DGKB: variants seen among roughly 807,000 people sequenced by gnomAD.
DGKB encodes diacylglycerol kinase beta.
Under a neutral mutation model 114.3 loss-of-function variants are expected in DGKB, and 67 were observed. That is an observed-to-expected ratio of 0.59 (90% confidence interval 0.48 to 0.72). DGKB has a LOEUF of 0.72. DGKB is among the 30% of genes least tolerant of loss of function. The pLI is 0.00. For missense variants in DGKB, 907 were observed against 975.2 expected, an observed-to-expected ratio of 0.93 and a Z score of 0.93; for synonymous variants, 398 against 323.1, an observed-to-expected ratio of 1.23 and a Z score of -2.49.
At position 14,788,338 on chromosome 7, in the gene DGKB, C is replaced by A. The variant is rs527330114; in HGVS notation, c.71-30607G>T. 2.0e-5 allele frequency among the ~76,000 whole-genome samples: 3 copies of A among 152,210 alleles called. No individual in the cohort carries two copies. In the East Asian group the frequency reaches 5.8e-4, roughly 29 times the overall value. On this transcript the variant is annotated intron_variant, in intron 2 of 25. Coordinates refer to ENST00000402815, the MANE Select transcript of DGKB (RefSeq NM_001350709.2). The stretch of plus-strand genomic sequence containing the variant: ...ACCACCACCTCAAAATCCACCAAAG[C>A]CTTGTCTATTAACTATGCCTTTTAT...
chr7:14,287,649 A>T (rs1318302105), intron 23 of DGKB, among the ~76,000 whole-genome samples: 5 of 152,166 alleles, frequency 3.3e-5, no homozygotes, highest in Non-Finnish European at 7.4e-5. Flanking sequence ...ATACACAGAC[A>T]ACTGATAGAC....
At chr7:14,492,401 T>C (rs74539494) in intron 20 of DGKB, among the ~76,000 whole-genome samples, 2,105 of 152,076 alleles carry the variant, frequency 0.014, 55 homozygotes, top group African/African-American at 0.048. Context: ...TAAAAGAACA[T>C]ATATAAGATA....
At chr7:14,747,771 A>ACGCGCG (rs1344297768) in intron 4 of DGKB, among the ~76,000 whole-genome samples, 2 of 92,120 alleles carry the variant, frequency 2.2e-5, no homozygotes, top group East Asian at 4.1e-4. Flanking sequence ...AAACACATCC[A>ACGCGCG]CGCGCACGCA....
intron 17 of DGKB, among the ~76,000 whole-genome samples, chr7:14,584,739 A>ACCT (rs1442120223): frequency 6.6e-6 from 1 of 151,330 alleles, no homozygotes; most frequent in Non-Finnish European, 1.5e-5. Flanking sequence ...ACTCACTGCA[A>ACCT]CCTCCTCCTC....
intron 1 of DGKB, among the ~76,000 whole-genome samples, chr7:14,952,642 G>A (rs1325939563): frequency 5.3e-5 from 8 of 151,978 alleles, no homozygotes; most frequent in African/African-American, 1.9e-4. Flanking sequence ...TCTAATGCCA[G>A]CTACTCAGGA....
chr7:14,659,944 G>A (rs887089147), intron 13 of DGKB, among the ~76,000 whole-genome samples: 1 of 151,606 alleles, frequency 6.6e-6, no homozygotes, highest in African/African-American at 2.4e-5. Flanking sequence ...TAGCATGAAG[G>A]GTTGTTGAAT....
chr7:14,170,147 AAGAAAGAAAGAAAG>A (rs1233678136), intron 25 of DGKB, among the ~76,000 whole-genome samples: 23 of 37,286 alleles, frequency 6.2e-4, no homozygotes, highest in African/African-American at 5.2e-3. Context: ...AAAAAAAAAA[AAGAAAGAAAGAAAG>A]AAAGAAAGAA....
chr7:14,410,510 T>C (rs1824688509), intron 21 of DGKB, among the ~76,000 whole-genome samples: 1 of 152,100 alleles, frequency 6.6e-6, no homozygotes, highest in South Asian at 2.1e-4. Flanking sequence ...CAAGCACATT[T>C]CTTTCAAGAA....
intron 1 of DGKB, among the ~76,000 whole-genome samples, chr7:14,914,709 G>A (rs1303474277): frequency 6.6e-6 from 1 of 151,952 alleles, no homozygotes; most frequent in Non-Finnish European, 1.5e-5. Flanking sequence ...TATTAAATAG[G>A]GAATTTAAAA....
intron 17 of DGKB, among the ~76,000 whole-genome samples, chr7:14,596,646 C>T (rs1563630215): frequency 2.0e-5 from 3 of 152,120 alleles, no homozygotes; most frequent in Admixed American, 1.3e-4. Flanking sequence ...CATGCTCATT[C>T]CAATGCTACT....
At position 14,398,288 on chromosome 7, in the gene DGKB, T is replaced by C. The variant is rs116280386; in HGVS notation, c.1836-52897A>G. Among the ~76,000 whole-genome samples the C allele has an allele frequency of 1.4e-3, 211 of 152,154 alleles. 2 individuals carry two copies. Among genetic ancestry groups the C allele is most frequent in the African/African-American group, 4.9e-3 (204 of 41,548 alleles). ...CCAATAAATAAATGGTCTTCTATGT[T>C]TCCTTGAGCTGAGGCCTTGAGACTG... On this transcript the variant is annotated intron_variant, in intron 21 of 25. Transcript: ENST00000402815.
intron 2 of DGKB, among the ~76,000 whole-genome samples, chr7:14,835,902 G>A (rs1487244769): frequency 6.6e-6 from 1 of 152,070 alleles, no homozygotes; most frequent in Non-Finnish European, 1.5e-5. Context: ...GCAATAATTT[G>A]TCTCCCTCTG....
intron 1 of DGKB, among the ~76,000 whole-genome samples, chr7:14,917,057 A>C (rs1024982532): frequency 6.6e-6 from 1 of 152,148 alleles, no homozygotes; most frequent in Admixed American, 6.5e-5. Flanking sequence ...ATGTCTCCAA[A>C]GAAATTTTAA....
chr7:14,808,582 G>C (rs1380598054), intron 2 of DGKB, among the ~76,000 whole-genome samples: 1 of 152,060 alleles, frequency 6.6e-6, no homozygotes, highest in African/African-American at 2.4e-5. Context: ...TTTTGCACAA[G>C]ATAAAGACTT....
intron 13 of DGKB, among the ~76,000 whole-genome samples, chr7:14,665,981 G>C (rs1036527951): frequency 1.3e-5 from 2 of 151,880 alleles, no homozygotes; most frequent in African/African-American, 2.4e-5. Flanking sequence ...ATGGACTTAA[G>C]CCATTGCAGA....
At chr7:14,631,263 CAAAA>C (rs35088925) in intron 13 of DGKB, among the ~76,000 whole-genome samples, 1 of 98,426 alleles carries the variant, frequency 1.0e-5, no homozygotes, top group African/African-American at 3.9e-5. Context: ...CAGCAAGAAC[CAAAA>C]AAAAAAAAAA....
intron 21 of DGKB, among the ~76,000 whole-genome samples, chr7:14,370,665 G>C (rs1262665423): frequency 6.6e-6 from 1 of 152,088 alleles, no homozygotes; most frequent in African/African-American, 2.4e-5. Context: ...AGTTTTAAAA[G>C]ATAATTTCAA....
intron 1 of DGKB, among the ~76,000 whole-genome samples, chr7:14,921,883 C>T (rs542395066): frequency 5.3e-5 from 8 of 152,290 alleles, no homozygotes; most frequent in African/African-American, 1.9e-4. Context: ...ACAGTCATTT[C>T]AGTAGCAGTA....
chr7:14,673,101 T>G (rs1819256551), intron 12 of DGKB, 74 bp from the exon 13 acceptor site: 1 of 805,510 alleles, frequency 1.2e-6, no homozygotes, highest in African/African-American at 1.7e-5. Context: ...TATATTTCAA[T>G]CGAGATACAG....
Sources: allele counts gnomAD v4.1 joint callset (sites outside exome capture counted in the v4.1 genomes callset), GRCh38; gene constraint gnomAD v4.1.1; transcripts MANE v1.5; gene names NCBI Gene and HGNC (gene_info 2026-07-23, HGNC 2026-07-21).